Variants in AKR1C2 observed in about 807,000 individuals in gnomAD.
AKR1C2 encodes the protein 3-alpha-HSD3.
AKR1C2 carries 27 observed loss-of-function variants against 39.8 expected under a neutral mutation model. The observed-to-expected ratio is 0.68, with a 90% confidence interval of 0.50 to 0.93. The LOEUF (loss-of-function observed/expected upper bound fraction) is 0.93. AKR1C2 is among the 40% of genes least tolerant of loss of function. The pLI is 0.00. For missense variants in AKR1C2, 263 were observed against 365.1 expected (o/e 0.72, Z 2.28); for synonymous variants, 114 against 137.9 (o/e 0.83, Z 1.22).
At chr10:4,993,754 T>C (rs1836920912) in intron 7 of AKR1C2, among the ~76,000 whole-genome samples, 1 of 151,704 alleles carries the variant, frequency 6.6e-6, no homozygotes, top group African/African-American at 2.4e-5. Flanking sequence ...CCAGAATAAA[T>C]ACATATATAT....
At chr10:4,994,938 C>A in intron 7 of AKR1C2, among the ~76,000 whole-genome samples, 2 of 135,570 alleles carry the variant, frequency 1.5e-5, no homozygotes, top group African/African-American at 2.8e-5. Flanking sequence ...AGATAAAATT[C>A]TAAGAGAATA....
chr10:4,992,880 G>A (rs2131674192), intron 7 of AKR1C2, among the ~76,000 whole-genome samples: 1 of 152,272 alleles, frequency 6.6e-6, no homozygotes, highest in Admixed American at 6.5e-5. Context: ...AACCCGGGAG[G>A]TGGAGGTTGC....
At chr10:5,006,187 T>C (rs1326770145), upstream of AKR1C2, 1 of 152,214 alleles carries the variant, frequency 6.6e-6, no homozygotes, top group African/African-American at 2.4e-5. Flanking sequence ...GAGAAATTAT[T>C]TGGAGAATAA....
intron 3 of AKR1C2, 148 bp downstream of exon 3, chr10:5,000,402 G>A: frequency 6.4e-7 from 1 of 1,565,930 alleles, no homozygotes; most frequent in African/African-American, 1.4e-5. Flanking sequence ...CTGTTCCATA[G>A]AAAGGAATTA....
At chr10:4,997,578 A>T (rs559339902) in intron 5 of AKR1C2, among the ~76,000 whole-genome samples, 8 of 152,188 alleles carry the variant, frequency 5.3e-5, no homozygotes, top group African/African-American at 1.7e-4. Flanking sequence ...AAATGTTAGT[A>T]ATTTTGAATA....
intron 1 of AKR1C2, among the ~76,000 whole-genome samples, chr10:5,012,510 A>C (rs10795221): frequency 0.5 from 73,203 of 145,516 alleles, 20,187 homozygotes; most frequent in East Asian, 0.79. Context: ...ACCCATAGGG[A>C]AGAGATCCTA....
chr10:4,993,420 G>T (rs1302770436), intron 7 of AKR1C2, among the ~76,000 whole-genome samples: 29 of 152,022 alleles, frequency 1.9e-4, no homozygotes, highest in Admixed American at 1.9e-3. Flanking sequence ...GGTAAATTTT[G>T]CTAAAAATTC....
chr10:4,989,653 A>T lies in AKR1C2; in HGVS notation c.*343T>A. The T allele has an allele frequency of 3.5e-6, 1 of 287,216 alleles. No homozygotes were observed. Among genetic ancestry groups the T allele is most frequent in the South Asian group, 4.4e-5 (1 of 22,956 alleles). The allele number at this position is 287,216 out of a possible 1,614,324, so 17.8% of individuals were successfully genotyped here. ...AACTCCACCCACTCCCACTGCAGAA[A>T]TGAATCTTAAATGGTTGTTAACATC... On this transcript the variant is annotated 3_prime_UTR_variant, in exon 9 of 9. Coordinates refer to ENST00000380753, the MANE Select transcript of AKR1C2 (RefSeq NM_001393392.1).
chr10:5,003,598 A>G (rs1285976911), intron 1 of AKR1C2, among the ~76,000 whole-genome samples, 154 bp downstream of exon 1: 1 of 152,058 alleles, frequency 6.6e-6, no homozygotes, highest in South Asian at 2.1e-4. Flanking sequence ...AATAAGCAGT[A>G]GATGACCCTG....
In AKR1C2 at chr10:4,993,200, T is replaced by A. The variant is rs181232270; in HGVS notation, c.847-1287A>T. 6.0e-4 allele frequency among the ~76,000 whole-genome samples: 92 copies of A among 152,292 alleles called. 1 individual carries two copies. The Middle Eastern group carries it at 0.024, about 39-fold the overall frequency. On this transcript the variant is annotated intron_variant, in intron 7 of 8. Transcript: ENST00000380753. The stretch of plus-strand genomic sequence containing the variant: ...TTTTAAATAACACATTAGTCAAGAA[T>A]AGCTAAGATATTATTAAATAAATGA...
At chr10:5,007,998 G>A (rs1403196014), upstream of AKR1C2, among the ~76,000 whole-genome samples, 5 of 151,344 alleles carry the variant, frequency 3.3e-5, no homozygotes, top group African/African-American at 1.2e-4. Context: ...GACAGGGGTA[G>A]GCTTCTGGGG....
rs1554773735 is a variant in AKR1C2, at chr10:5,000,588, C to T, written c.331G>A (p.Val111Ile). 1 of 1,614,040 alleles carries T rather than the reference C, an allele frequency of 6.2e-7. No homozygotes were observed. The highest frequency in any genetic ancestry group is 8.5e-7 in the Non-Finnish European group (1 of 1,179,942). Reference protein sequence around the residue: ...RSLKNLQLDYVDLYLIHFPVS... With the variant: ...RSLKNLQLDYIDLYLIHFPVS... ...GGAAAATGAATAAGATAGAGGTCAA[C>T]ATAGTCCAATTGAAGATTTTTCAGT... Residue 111 changes from valine to isoleucine, a missense_variant, in exon 3 of 9, where the codon GTT becomes ATT. Val to Ile is a conservative substitution (Grantham distance 29). This residue lies in a region of AKR1C2 where 247 missense variants were observed against 267.9 expected (regional missense o/e 0.92). Coordinates refer to ENST00000380753, the MANE Select transcript of AKR1C2 (RefSeq NM_001393392.1).
chr10:5,001,425 C>T, intron 2 of AKR1C2, 89 bp downstream of exon 2: 2 of 1,527,044 alleles, frequency 1.3e-6, no homozygotes, highest in East Asian at 2.3e-5. Context: ...GCACAATTCA[C>T]CCTCAACTAT....
upstream of AKR1C2, among the ~76,000 whole-genome samples, chr10:5,004,452 A>C (rs1251284493): frequency 1.2e-4 from 19 of 152,116 alleles, no homozygotes; most frequent in African/African-American, 4.1e-4. Flanking sequence ...TAAAGTTGTA[A>C]TCCTGATGTG....
chr10:5,000,598 T>C lies in AKR1C2; in HGVS notation c.321A>G (p.Gln107=), dbSNP rs781823846. 1.9e-5 allele frequency: 30 copies of C among 1,614,028 alleles called. No individual in the cohort carries two copies. The highest frequency in any genetic ancestry group is 2.2e-5 in the Non-Finnish European group (26 of 1,179,924). Reference sequence around the variant, plus strand: ...TAAGATAGAGGTCAACATAGTCCAATTGAAGATTTTTCAGTGACCTTTCCA... The same window carrying C: ...TAAGATAGAGGTCAACATAGTCCAACTGAAGATTTTTCAGTGACCTTTCCA... ...PALERSLKNL[Q]LDYVDLYLIH... The change falls in exon 3 of 9, where the codon CAA becomes CAG. Residue 107 remains glutamine (Q), a synonymous_variant. Coordinates refer to ENST00000380753, the MANE Select transcript of AKR1C2 (RefSeq NM_001393392.1).
At chr10:5,000,373 A>G in intron 3 of AKR1C2, 177 bp downstream of exon 3, 1 of 1,550,700 alleles carries the variant, frequency 6.4e-7, no homozygotes. Context: ...TCACGGAAGT[A>G]TGGATTCAAA....
intron 3 of AKR1C2, 140 bp from the exon 4 acceptor site, chr10:4,999,417 A>G (rs533279944): frequency 2.8e-5 from 44 of 1,579,186 alleles, no homozygotes; most frequent in Non-Finnish European, 3.8e-5. Context: ...TACAAAGTGT[A>G]CTACATATGA....
At chr10:4,999,482 A>T (rs1837182687) in intron 3 of AKR1C2, 1 of 1,028,922 alleles carries the variant, frequency 9.7e-7, no homozygotes, top group Non-Finnish European at 1.4e-6. Flanking sequence ...TACACCTATT[A>T]TATGTATAAA....
chr10:5,007,501 T>C (rs577026870), upstream of AKR1C2: 1 of 151,784 alleles, frequency 6.6e-6, no homozygotes, highest in African/African-American at 2.4e-5. Flanking sequence ...GTCATTCCAA[T>C]GGTAACTACA....
Sources: allele counts gnomAD v4.1 joint callset (sites outside exome capture counted in the v4.1 genomes callset), GRCh38; gene constraint gnomAD v4.1.1; regional missense constraint gnomAD v4.1.1; transcripts MANE v1.5; gene names NCBI Gene and HGNC (gene_info 2026-07-23, HGNC 2026-07-21).